CFTR: variants seen among roughly 807,000 people sequenced by gnomAD.
CFTR encodes cystic fibrosis transmembrane conductance regulator.
Under a neutral mutation model 171.6 loss-of-function variants are expected in CFTR, and 181 were observed. The observed-to-expected ratio is 1.05, with a 90% CI of 0.93 to 1.19. CFTR has a LOEUF of 1.19. Ranked by LOEUF, CFTR falls within the 50% of genes most tolerant of loss-of-function variation. CFTR has a pLI of 0.00. For missense variants in CFTR, 1,968 were observed against 1,734.7 expected (o/e 1.13, Z -2.39); for synonymous variants, 583 against 608.0 (o/e 0.96, Z 0.60).
intron 3 of CFTR, among the ~76,000 whole-genome samples, chr7:117,526,276 G>A (rs1311512939): frequency 3.4e-5 from 5 of 146,056 alleles, no homozygotes; most frequent in Admixed American, 2.8e-4. Context: ...GGTACATAAC[G>A]AAATGAAGAC....
At chr7:117,564,942 A>G (rs1040099362) in intron 11 of CFTR, among the ~76,000 whole-genome samples, 1 of 152,240 alleles carries the variant, frequency 6.6e-6, no homozygotes, top group Admixed American at 6.5e-5. Flanking sequence ...TGTTGATAGA[A>G]AACTTGTAAT....
intron 1 of CFTR, among the ~76,000 whole-genome samples, chr7:117,485,323 G>A (rs566373765): frequency 6.6e-6 from 1 of 152,250 alleles, no homozygotes; most frequent in Admixed American, 6.5e-5. Context: ...TGATCCTGAG[G>A]CATCTGTGTA....
chr7:117,540,066 A>T (rs750145040), intron 7 of CFTR, 34 bp from the exon 8 acceptor site: 3 of 1,572,732 alleles, frequency 1.9e-6, no homozygotes, highest in Non-Finnish European at 2.6e-6. Context: ...AAATAAAATA[A>T]CATCCTGAAT....
At chr7:117,659,901 C>A (rs558679083) in intron 24 of CFTR, among the ~76,000 whole-genome samples, 8 of 152,224 alleles carry the variant, frequency 5.3e-5, no homozygotes, top group Admixed American at 3.9e-4. Context: ...TTCAGTAAAA[C>A]CACAATTCAC....
At chr7:117,504,427 G>C in intron 2 of CFTR, 64 bp downstream of exon 2, 2 of 862,332 alleles carry the variant, frequency 2.3e-6, no homozygotes, top group East Asian at 5.3e-5. Flanking sequence ...TTAGAGAAGA[G>C]AAAGCAAACA....
At chr7:117,530,777 T>C (rs1254252055) in intron 3 of CFTR, 122 bp from the exon 4 acceptor site, 24 of 714,318 alleles carry the variant, frequency 3.4e-5, no homozygotes, top group Non-Finnish European at 6.0e-5. Flanking sequence ...ACATATGGTA[T>C]GACCCTCTAT....
intron 10 of CFTR, among the ~76,000 whole-genome samples, chr7:117,552,803 C>A (rs937661882): frequency 6.6e-6 from 1 of 152,090 alleles, no homozygotes; most frequent in Non-Finnish European, 1.5e-5. Flanking sequence ...CTATCTTGGA[C>A]AACTTTCCAT....
At chr7:117,497,084 G>T (rs1255882189) in intron 1 of CFTR, among the ~76,000 whole-genome samples, 1 of 151,948 alleles carries the variant, frequency 6.6e-6, no homozygotes, top group Non-Finnish European at 1.5e-5. Context: ...AAAATTAGTT[G>T]TAATATGGCA....
intron 11 of CFTR, among the ~76,000 whole-genome samples, chr7:117,565,011 T>A (rs982199034): frequency 3.3e-5 from 5 of 152,242 alleles, no homozygotes; most frequent in African/African-American, 9.6e-5. Flanking sequence ...TCCTCTTTCA[T>A]AAACAGCTCC....
chr7:117,537,861 T>C (rs553620891), intron 7 of CFTR, among the ~76,000 whole-genome samples: 2 of 152,256 alleles, frequency 1.3e-5, no homozygotes, highest in Non-Finnish European at 2.9e-5. Context: ...ACTTGCTGAG[T>C]GCTCCATCAC....
chr7:117,598,417 C>CA (rs1327594749), intron 15 of CFTR, among the ~76,000 whole-genome samples: 1 of 152,190 alleles, frequency 6.6e-6, no homozygotes, highest in Non-Finnish European at 1.5e-5. Flanking sequence ...CCCAAACTTA[C>CA]AACTATACAT....
chr7:117,600,240 T>C (rs1310289853), intron 15 of CFTR, among the ~76,000 whole-genome samples: 1 of 152,068 alleles, frequency 6.6e-6, no homozygotes, highest in East Asian at 1.9e-4. Context: ...GGGCAGTATC[T>C]TTTGTAAGTT....
At chr7:117,506,521 T>C (rs1584775314) in intron 2 of CFTR, among the ~76,000 whole-genome samples, 1 of 152,164 alleles carries the variant, frequency 6.6e-6, no homozygotes. Flanking sequence ...GCTGGGATTA[T>C]AGGTGTGAGC....
At chr7:117,544,843 T>C (rs1799113446) in intron 9 of CFTR, among the ~76,000 whole-genome samples, 1 of 152,214 alleles carries the variant, frequency 6.6e-6, no homozygotes, top group Admixed American at 6.5e-5. Flanking sequence ...CTATCACCAA[T>C]CTATTAAAAC....
rs758433792 is a variant in CFTR at position 117,664,859 on chromosome 7, G to A, written c.4135G>A (p.Val1379Ile). Residue 1379 changes from valine to isoleucine, a missense_variant and splice_region_variant, in exon 25 of 27, where the codon GTA (valine) becomes ATA (isoleucine). Val to Ile is a conservative substitution (Grantham distance 29). Coordinates refer to ENST00000003084, the MANE Select transcript of CFTR (RefSeq NM_000492.4). The part of the protein sequence containing the change: ...LDEPSAHLDP[V>I]TYQIIRRTLK... ...TGAACCCAGTGCTCATTTGGATCCA[G>A]TGTGAGTTTCAGATGTTCTGTTACT... The A allele has an allele frequency of 1.2e-6, 2 of 1,613,730 alleles. No homozygotes were observed. The highest frequency in any genetic ancestry group is 1.7e-6 in the Non-Finnish European group (2 of 1,179,788).
intron 23 of CFTR, among the ~76,000 whole-genome samples, chr7:117,650,607 G>T (rs1181631695): frequency 6.6e-6 from 1 of 152,038 alleles, no homozygotes; most frequent in African/African-American, 2.4e-5. Context: ...AGTCCTCCAT[G>T]ATAATGCCAT....
At chr7:117,663,597 G>A (rs142299061) in intron 24 of CFTR, among the ~76,000 whole-genome samples, 2,054 of 149,818 alleles carry the variant, frequency 0.014, 22 homozygotes, top group Non-Finnish European at 0.019. Flanking sequence ...TCTCCTGGTC[G>A]TGTGATGGGC....
In CFTR at chr7:117,540,139, A is replaced by ATAC. The variant is rs1367545512; in HGVS notation, c.911_913dup (p.Tyr304dup). The stretch of plus-strand genomic sequence containing the variant: ...TGACTCGGAAGGCAGCCTATGTGAG[A>ATAC]TACTTCAATAGCTCAGCCTTCTTCT... On this transcript the variant is annotated inframe_insertion, in exon 8 of 27. Transcript: ENST00000003084. 6.2e-7 allele frequency: 1 copy of ATAC among 1,613,370 alleles called. No individual in the cohort carries two copies. Among genetic ancestry groups the ATAC allele is most frequent in the Admixed American group, 1.7e-5 (1 of 59,994 alleles).
intron 16 of CFTR, 44 bp downstream of exon 16, chr7:117,602,907 G>T: frequency 2.7e-6 from 4 of 1,496,020 alleles, no homozygotes; most frequent in Non-Finnish European, 2.8e-6. Flanking sequence ...TTTTATTTCT[G>T]TTGATTAAAT....
Sources: allele counts gnomAD v4.1 joint callset (sites outside exome capture counted in the v4.1 genomes callset), GRCh38; gene constraint gnomAD v4.1.1; transcripts MANE v1.5; gene names NCBI Gene and HGNC (gene_info 2026-07-23, HGNC 2026-07-21).